The following XKR4 variants were observed in gnomAD, a reference collection of about 807,000 sequenced individuals.
The protein encoded by XKR4 is XK-related protein 4.
In XKR4, 12 loss-of-function variants were observed where a neutral mutation model predicts 53.9. The observed-to-expected ratio is 0.22, with a 90% CI of 0.14 to 0.36. The LOEUF is 0.36. Among genes scored for constraint, XKR4 ranks in the 10% least tolerant of loss-of-function variants. The pLI, the probability that XKR4 is intolerant of heterozygous loss-of-function variation, is 1.00. For synonymous variants in XKR4, 354 were observed against 362.4 expected (o/e 0.98, Z 0.26); for missense variants, 799 against 859.5 (o/e 0.93, Z 0.88).
At chr8:55,197,063 A>G (rs148645552) in intron 1 of XKR4, among the ~76,000 whole-genome samples, 118 of 152,292 alleles carry the variant, frequency 7.7e-4, no homozygotes, top group African/African-American at 2.6e-3. Context: ...TTCCCTTACA[A>G]TAATCTGCTA....
chr8:55,318,691 T>G (rs1385163687), intron 1 of XKR4, among the ~76,000 whole-genome samples: 1 of 152,210 alleles, frequency 6.6e-6, no homozygotes, highest in Non-Finnish European at 1.5e-5. Context: ...ACAGAATGGT[T>G]ACTGTATTGA....
At chr8:55,462,571 G>A (rs1222631425) in intron 2 of XKR4, among the ~76,000 whole-genome samples, 1 of 152,082 alleles carries the variant, frequency 6.6e-6, no homozygotes, top group Non-Finnish European at 1.5e-5. Flanking sequence ...ATCAACTAAC[G>A]AGCAAAATAA....
intron 2 of XKR4, among the ~76,000 whole-genome samples, chr8:55,388,741 T>C (rs1464078001): frequency 6.6e-6 from 1 of 152,206 alleles, no homozygotes. Flanking sequence ...TCCTTAGCAA[T>C]GGACTTCCTT....
intron 2 of XKR4, among the ~76,000 whole-genome samples, chr8:55,400,147 C>T (rs1464214499): frequency 6.6e-6 from 1 of 152,174 alleles, no homozygotes; most frequent in African/African-American, 2.4e-5. Context: ...GAGAACACAA[C>T]CACACATAAG....
At chr8:55,257,945 C>T (rs1168716658) in intron 1 of XKR4, among the ~76,000 whole-genome samples, 2 of 152,314 alleles carry the variant, frequency 1.3e-5, no homozygotes, top group South Asian at 2.1e-4. Context: ...GGGAATCCAG[C>T]AGGAGCCACA....
At chr8:55,187,706 A>G (rs1236666300) in intron 1 of XKR4, among the ~76,000 whole-genome samples, 2 of 152,186 alleles carry the variant, frequency 1.3e-5, no homozygotes, top group Non-Finnish European at 2.9e-5. Context: ...TTCTTAGCTC[A>G]TTGGTAATTC....
intron 2 of XKR4, among the ~76,000 whole-genome samples, chr8:55,416,602 C>T (rs1445924109): frequency 6.6e-6 from 1 of 152,188 alleles, no homozygotes; most frequent in Non-Finnish European, 1.5e-5. Context: ...GAGCTTGACT[C>T]ATTGCAGAAG....
chr8:55,239,235 A>G (rs373501369), intron 1 of XKR4, among the ~76,000 whole-genome samples: 4 of 152,234 alleles, frequency 2.6e-5, no homozygotes, highest in South Asian at 4.1e-4. Flanking sequence ...TGTGTTAGGT[A>G]GAGATGTCAT....
chr8:55,294,473 G>A (rs914309235), intron 1 of XKR4, among the ~76,000 whole-genome samples: 19 of 152,134 alleles, frequency 1.2e-4, no homozygotes, highest in Non-Finnish European at 2.2e-4. Context: ...GGGCTAAAGG[G>A]ATGTAGTCGA....
intron 2 of XKR4, among the ~76,000 whole-genome samples, chr8:55,522,409 G>A (rs1806810633): frequency 6.6e-6 from 1 of 152,230 alleles, no homozygotes; most frequent in African/African-American, 2.4e-5. Flanking sequence ...TGTAGGAAGA[G>A]TGCCAGATTG....
At chr8:55,316,513 G>C (rs532950167) in intron 1 of XKR4, among the ~76,000 whole-genome samples, 1 of 152,292 alleles carries the variant, frequency 6.6e-6, no homozygotes, top group East Asian at 1.9e-4. Context: ...GAATATTTAT[G>C]ATTTACAGAT....
chr8:55,466,909 T>G (rs1805782983), intron 2 of XKR4, among the ~76,000 whole-genome samples: 1 of 152,194 alleles, frequency 6.6e-6, no homozygotes, highest in South Asian at 2.1e-4. Flanking sequence ...ATTAAAAAAT[T>G]TATTAGTTTT....
intron 2 of XKR4, among the ~76,000 whole-genome samples, chr8:55,397,294 T>C (rs1421844141): frequency 6.6e-6 from 1 of 152,246 alleles, no homozygotes; most frequent in Non-Finnish European, 1.5e-5. Flanking sequence ...CTTGCCGCAA[T>C]TATTCTTTCC....
At position 55,473,171 on chromosome 8, in the gene XKR4, G is replaced by C. The variant is rs1030816076; in HGVS notation, c.1007-50110G>C. Among the ~76,000 whole-genome samples the C allele has an allele frequency of 1.3e-4, 20 of 152,084 alleles. 1 individual carries two copies. The highest frequency in any genetic ancestry group is 9.8e-4 in the Admixed American group (15 of 15,274). On this transcript the variant is annotated intron_variant, in intron 2 of 2. Transcript: ENST00000327381. ...AATCCTTAGAGTAAATATAGCTTCA[G>C]CTTTAAAGCTGGGACCTTCTCTGCA...
At chr8:55,408,793 G>C (rs1563343007) in intron 2 of XKR4, among the ~76,000 whole-genome samples, 1 of 152,034 alleles carries the variant, frequency 6.6e-6, no homozygotes, top group Non-Finnish European at 1.5e-5. Context: ...CAGATCACGG[G>C]GTCAGGAGTT....
intron 2 of XKR4, among the ~76,000 whole-genome samples, chr8:55,429,192 T>C (rs1805062184): frequency 6.6e-6 from 1 of 152,208 alleles, no homozygotes; most frequent in South Asian, 2.1e-4. Context: ...TTCCAACAAA[T>C]GGTGCTGGAG....
intron 2 of XKR4, among the ~76,000 whole-genome samples, chr8:55,405,773 C>T (rs781608879): frequency 6.6e-6 from 1 of 152,168 alleles, no homozygotes; most frequent in Non-Finnish European, 1.5e-5. Flanking sequence ...ATGACCTTAT[C>T]AAAACAGAGA....
chr8:55,486,773 C>T (rs574375139), intron 2 of XKR4, among the ~76,000 whole-genome samples: 66 of 152,220 alleles, frequency 4.3e-4, no homozygotes, highest in Non-Finnish European at 7.6e-4. Flanking sequence ...TCCACCTTCA[C>T]AGCACCAATA....
chr8:55,187,076 T>G (rs1490455497), intron 1 of XKR4, among the ~76,000 whole-genome samples: 1 of 152,088 alleles, frequency 6.6e-6, no homozygotes, highest in African/African-American at 2.4e-5. Context: ...TCATGCACAG[T>G]TTAGTACAGG....
Sources: allele counts gnomAD v4.1 joint callset (sites outside exome capture counted in the v4.1 genomes callset), GRCh38; gene constraint gnomAD v4.1.1; transcripts MANE v1.5; gene names NCBI Gene and HGNC (gene_info 2026-07-23, HGNC 2026-07-21).